Variants in ADAM12 observed in about 807,000 individuals in gnomAD.
The protein encoded by ADAM12 is disintegrin and metalloproteinase domain-containing protein 12.
ADAM12 carries 70 observed loss-of-function variants against 106.4 expected under a neutral mutation model. The ratio of observed to expected loss-of-function variants is 0.66; its 90% CI spans 0.54 to 0.80. The LOEUF (loss-of-function observed/expected upper bound fraction) is 0.80, where lower values mean the gene tolerates loss of function less well. Ranked by LOEUF, ADAM12 falls within the 30% of genes least tolerant of loss-of-function variation. ADAM12 has a pLI of 0.00. For missense variants in ADAM12, 1,010 were observed against 1,171.9 expected, an observed-to-expected ratio of 0.86 and a Z score of 2.02; for synonymous variants, 420 against 433.5, an observed-to-expected ratio of 0.97 and a Z score of 0.39.
chr10:126,352,188 T>C (rs149713916), intron 1 of ADAM12, among the ~76,000 whole-genome samples: 1 of 152,326 alleles, frequency 6.6e-6, no homozygotes, highest in Non-Finnish European at 1.5e-5. Context: ...TGGTATTCCA[T>C]GCCTAAAACC....
intron 4 of ADAM12, among the ~76,000 whole-genome samples, chr10:126,140,135 A>G (rs896252686): frequency 6.6e-6 from 1 of 152,178 alleles, no homozygotes; most frequent in African/African-American, 2.4e-5. Context: ...GGTAACCAGA[A>G]TCACTGGGTT....
At chr10:126,086,680 A>AAAAATATAT (rs1554966976) in intron 11 of ADAM12, among the ~76,000 whole-genome samples, 1 of 24,274 alleles carries the variant, frequency 4.1e-5, no homozygotes, top group Non-Finnish European at 5.9e-5. Context: ...AAAAAAAAAA[A>AAAAATATAT]ATATATATAT....
At chr10:126,026,813 C>A (rs768039494) in intron 21 of ADAM12, among the ~76,000 whole-genome samples, 1 of 152,056 alleles carries the variant, frequency 6.6e-6, no homozygotes, top group Non-Finnish European at 1.5e-5. Flanking sequence ...CATCAAAAAG[C>A]TAGAAAGATA....
rs1358331494 is a variant in ADAM12, at chr10:126,108,652, CTTGCCTCTGA to C, written c.672_681del (p.Phe224LeufsTer12). ...TGCTTAACTTTTTCCAGATCTTTTC[CTTGCCTCTGA>C]AACTTAACAATTTTAAATGGCAGCA... On this transcript the variant is annotated frameshift_variant and splice_region_variant, in exon 8 of 23. Transcript: ENST00000448723. LOFTEE classifies it high-confidence loss of function. The C allele has an allele frequency of 6.2e-7, 1 of 1,613,986 alleles. No homozygotes were observed. The highest frequency in any genetic ancestry group is 8.5e-7 in the Non-Finnish European group (1 of 1,179,836).
intron 3 of ADAM12, among the ~76,000 whole-genome samples, chr10:126,156,967 C>T (rs959116346): frequency 6.6e-6 from 1 of 152,130 alleles, no homozygotes; most frequent in Non-Finnish European, 1.5e-5. Flanking sequence ...GCTGCCTGCC[C>T]TTTCCTGTCT....
At chr10:126,025,394 A>G (rs907859936) in intron 21 of ADAM12, among the ~76,000 whole-genome samples, 2 of 152,230 alleles carry the variant, frequency 1.3e-5, no homozygotes, top group Admixed American at 1.3e-4. Flanking sequence ...GAACTTCACA[A>G]TCACAAGTAT....
intron 3 of ADAM12, among the ~76,000 whole-genome samples, chr10:126,260,325 A>G (rs953986671): frequency 1.3e-5 from 2 of 152,192 alleles, no homozygotes; most frequent in African/African-American, 2.4e-5. Context: ...GGATTCTCAT[A>G]AATCAAAAGT....
At chr10:126,235,663 A>G (rs11244896) in intron 3 of ADAM12, among the ~76,000 whole-genome samples, 14,012 of 152,238 alleles carry the variant, frequency 0.092, 821 homozygotes, top group Non-Finnish European at 0.13. Flanking sequence ...CTCCTTCTCC[A>G]GCCTCCTCAT....
chr10:126,387,257 CTG>C (rs1856696335), intron 1 of ADAM12, among the ~76,000 whole-genome samples: 1 of 152,310 alleles, frequency 6.6e-6, no homozygotes, highest in South Asian at 2.1e-4. Context: ...TGAGTCCTCA[CTG>C]TGCAAACGGG....
chr10:126,300,501 G>T (rs1960572820), intron 2 of ADAM12, among the ~76,000 whole-genome samples: 1 of 152,150 alleles, frequency 6.6e-6, no homozygotes, highest in Non-Finnish European at 1.5e-5. Flanking sequence ...TTAACAACTT[G>T]CAGGAAAAAT....
At chr10:126,240,747 G>T (rs1958506259) in intron 3 of ADAM12, among the ~76,000 whole-genome samples, 1 of 152,232 alleles carries the variant, frequency 6.6e-6, no homozygotes, top group Admixed American at 6.5e-5. Flanking sequence ...GTGAAAGAGT[G>T]ATCTGACTGA....
chr10:126,073,749 T>G (rs1955046568), intron 11 of ADAM12, among the ~76,000 whole-genome samples: 1 of 152,258 alleles, frequency 6.6e-6, no homozygotes, highest in Non-Finnish European at 1.5e-5. Flanking sequence ...AGTGCTCCTC[T>G]GTGGATGCAA....
intron 2 of ADAM12, among the ~76,000 whole-genome samples, chr10:126,280,380 C>G (rs1055759260): frequency 6.6e-6 from 1 of 152,032 alleles, no homozygotes; most frequent in Non-Finnish European, 1.5e-5. Context: ...AGCCATTAGC[C>G]GCATATGGCT....
At chr10:126,235,132 C>T (rs1958388623) in intron 3 of ADAM12, among the ~76,000 whole-genome samples, 1 of 152,186 alleles carries the variant, frequency 6.6e-6, no homozygotes, top group South Asian at 2.1e-4. Context: ...TGAGTCCAGG[C>T]CAGGCCACCG....
chr10:126,377,447 C>G (rs1856333206), intron 1 of ADAM12, among the ~76,000 whole-genome samples: 1 of 152,050 alleles, frequency 6.6e-6, no homozygotes, highest in Non-Finnish European at 1.5e-5. Flanking sequence ...GAGGCTAAGT[C>G]AGTCTAGTCT....
At chr10:126,251,506 G>A (rs1958748824) in intron 3 of ADAM12, among the ~76,000 whole-genome samples, 1 of 151,930 alleles carries the variant, frequency 6.6e-6, no homozygotes, top group Non-Finnish European at 1.5e-5. Context: ...CGATGGATGG[G>A]ATGAATGGAT....
chr10:126,318,867 C>T (rs542036542), intron 2 of ADAM12, among the ~76,000 whole-genome samples: 33 of 152,184 alleles, frequency 2.2e-4, no homozygotes, highest in South Asian at 1.5e-3. Context: ...TGGCAGAAGG[C>T]GAAGGGGAAG....
intron 4 of ADAM12, among the ~76,000 whole-genome samples, chr10:126,149,973 CCTGA>C (rs1956700595): frequency 6.6e-6 from 1 of 152,100 alleles, no homozygotes; most frequent in Admixed American, 6.6e-5. Context: ...TCAAGAGAAC[CCTGA>C]CTAATACTAA....
chr10:126,012,840 A>T lies in ADAM12; in HGVS notation c.*4439T>A, dbSNP rs1314121100. Reference sequence around the variant, plus strand: ...CTACTAAGGTACCTGCTTATAGGCCATGAAAATAAAACGCCATTCAACTTT... The same window carrying T: ...CTACTAAGGTACCTGCTTATAGGCCTTGAAAATAAAACGCCATTCAACTTT... On this transcript the variant is annotated 3_prime_UTR_variant, in exon 23 of 23. Transcript: ENST00000448723. The T allele has an allele frequency of 2.0e-5, 3 of 152,348 alleles. No individual in the cohort carries two copies. Among genetic ancestry groups the T allele is most frequent in the African/African-American group, 7.2e-5 (3 of 41,590 alleles). The allele number at this position is 152,348 out of a possible 1,614,324, so 9.4% of individuals were successfully genotyped here.
Sources: allele counts gnomAD v4.1 joint callset (sites outside exome capture counted in the v4.1 genomes callset), GRCh38; gene constraint gnomAD v4.1.1; transcripts MANE v1.5; gene names NCBI Gene and HGNC (gene_info 2026-07-23, HGNC 2026-07-21).